CLEC4C: variants seen among roughly 807,000 people sequenced by gnomAD.
CLEC4C encodes the protein C-type lectin domain family 4 member C, also known as C-type (calcium dependent, carbohydrate-recognition domain) lectin, superfamily member 11.
In CLEC4C, 17 loss-of-function variants were observed where a neutral mutation model predicts 27.7. The ratio of observed to expected loss-of-function variants is 0.61; its 90% confidence interval spans 0.42 to 0.92. CLEC4C has a LOEUF of 0.92. Among genes scored for constraint, CLEC4C ranks in the 40% least tolerant of loss-of-function variants. CLEC4C has a pLI of 0.00. For missense variants in CLEC4C, 244 were observed against 257.3 expected (o/e 0.95, Z 0.35); for synonymous variants, 80 against 80.8 (o/e 0.99, Z 0.06).
chr12:7,737,278 A>G, intron 4 of CLEC4C, 151 bp downstream of exon 4: 1 of 631,876 alleles, frequency 1.6e-6, no homozygotes, highest in Non-Finnish European at 2.6e-6. Flanking sequence ...CAGATTAAGG[A>G]GATTTTCCTG....
Position 7,729,959 on chromosome 12 carries a change from C to G in CLEC4C, c.498-219G>C, listed in dbSNP as rs370237272. ...CCCCTGAAAACTGTTCCCATATGAC[C>G]TAGTACTCTGTCATCTTAATCAACT... On this transcript the variant is annotated intron_variant, in intron 5 of 5. Transcript: ENST00000360345. Among the ~76,000 whole-genome samples, 134 of 152,270 alleles carry G rather than the reference C, an allele frequency of 8.8e-4. 5 individuals are homozygous for G. The South Asian group carries it at 0.027, about 30-fold the overall frequency.
rs780595672 is a variant in CLEC4C, at chr12:7,730,809, T to A, written c.485A>T (p.Asn162Ile). ...ATTCTATACTCACGTGACATTTTCA[T>A]TGTATGGTGTCTGGTCAACCCATTG... The part of the protein sequence containing the change: ...HWQWVDQTPY[N>I]ENVTFWHSGE... Residue 162 changes from asparagine to isoleucine, a missense_variant, in exon 5 of 6, where the codon AAT becomes ATT. Coordinates refer to ENST00000360345, the MANE Select transcript of CLEC4C (RefSeq NM_001371390.1). 1 of 1,583,092 alleles carries A rather than the reference T, an allele frequency of 6.3e-7. No individual in the cohort carries two copies. Among genetic ancestry groups the A allele is most frequent in the South Asian group, 1.1e-5 (1 of 90,466 alleles).
At chr12:7,736,238 G>C (rs372106429) in intron 4 of CLEC4C, among the ~76,000 whole-genome samples, 1 of 152,140 alleles carries the variant, frequency 6.6e-6, no homozygotes, top group East Asian at 1.9e-4. Flanking sequence ...AGCCAAGACC[G>C]TGCCATTGCA....
chr12:7,729,406 GAATGAATAAATGAATA>G lies in CLEC4C; in HGVS notation c.*174_*189del, dbSNP rs3834934. 183 of 536,426 alleles carry G rather than the reference GAATGAATAAATGAATA, an allele frequency of 3.4e-4. No individual in the cohort carries two copies. Among genetic ancestry groups the G allele is most frequent in the African/African-American group, 2.8e-3 (144 of 51,200 alleles). The allele number at this position is 536,426 out of a possible 1,614,324, so 33.2% of individuals were successfully genotyped here. ...AATGTTCACTAAACACTCATTTTATGAATGAATAAATGAATAAATGAATAAATGAATGTGTGAATGG... is the reference window on the plus strand; with the variant it reads ...AATGTTCACTAAACACTCATTTTATGAATGAATAAATGAATGTGTGAATGG... On this transcript the variant is annotated 3_prime_UTR_variant, in exon 6 of 6. Coordinates refer to ENST00000360345, the MANE Select transcript of CLEC4C (RefSeq NM_001371390.1).
intron 3 of CLEC4C, among the ~76,000 whole-genome samples, chr12:7,741,017 T>C (rs1463280560): frequency 6.6e-6 from 1 of 152,028 alleles, no homozygotes; most frequent in Non-Finnish European, 1.5e-5. Flanking sequence ...ATTTTTTGTA[T>C]TTTTAGTAGG....
chr12:7,734,625 T>G (rs1025874164), intron 4 of CLEC4C, among the ~76,000 whole-genome samples: 1 of 151,374 alleles, frequency 6.6e-6, no homozygotes, highest in East Asian at 2.0e-4. Flanking sequence ...CTTGGCTCAC[T>G]GCAACCTCTG....
intron 3 of CLEC4C, among the ~76,000 whole-genome samples, chr12:7,741,038 C>T (rs1864842116): frequency 6.6e-6 from 1 of 152,128 alleles, no homozygotes; most frequent in Admixed American, 6.6e-5. Context: ...GACAGGGTTT[C>T]ACCGTGGTCT....
intron 5 of CLEC4C, 67 bp downstream of exon 5, chr12:7,730,730 G>T: frequency 1.3e-6 from 1 of 757,880 alleles, no homozygotes; most frequent in Non-Finnish European, 2.3e-6. Context: ...TTGCTTAATA[G>T]CTGATGGAAC....
At chr12:7,733,836 A>G (rs1864658090) in intron 4 of CLEC4C, among the ~76,000 whole-genome samples, 1 of 151,646 alleles carries the variant, frequency 6.6e-6, no homozygotes, top group African/African-American at 2.4e-5. Context: ...TCGCCTCCCA[A>G]CATGCTGAGA....
rs115411195 is a variant in CLEC4C at position 7,740,329 on chromosome 12, G to C, written c.235+1092C>G. ...GTATATTTATTTTTCAGTTAATCCA[G>C]AACTGTATAGGGAGAGGGATATATT... is the stretch of plus-strand genomic sequence containing the variant. On this transcript the variant is annotated intron_variant, in intron 3 of 5. Transcript: ENST00000360345. Among the ~76,000 whole-genome samples the C allele has an allele frequency of 6.9e-3, 1,047 of 152,124 alleles. 13 individuals are homozygous for C. Among genetic ancestry groups the C allele is most frequent in the African/African-American group, 0.024 (976 of 41,508 alleles).
intron 2 of CLEC4C, among the ~76,000 whole-genome samples, chr12:7,744,617 T>C (rs1458533788): frequency 1.3e-5 from 2 of 152,122 alleles, no homozygotes; most frequent in Non-Finnish European, 2.9e-5. Context: ...TAAACATTTA[T>C]TTTTATTTTT....
chr12:7,730,663 AC>A, intron 5 of CLEC4C, 133 bp downstream of exon 5: 1 of 493,098 alleles, frequency 2.0e-6, no homozygotes, highest in Non-Finnish European at 3.7e-6. Flanking sequence ...AAAAAGCACA[AC>A]CCTTGATGTC....
chr12:7,744,263 CT>C (rs1217538456), intron 2 of CLEC4C, among the ~76,000 whole-genome samples: 3 of 152,188 alleles, frequency 2.0e-5, no homozygotes, highest in Admixed American at 2.0e-4. Flanking sequence ...GTCTCTTGCC[CT>C]TTGTTATAAA....
Position 7,737,458 on chromosome 12 carries a change from G to C in CLEC4C, c.352C>G (p.Leu118Val). The C allele has an allele frequency of 2.5e-6, 4 of 1,613,726 alleles. No individual in the cohort carries two copies. Among genetic ancestry groups the C allele is most frequent in the Non-Finnish European group, 3.4e-6 (4 of 1,179,920 alleles). ...QKNCSVMGAD[L>V]VVINTREEQD... Reference sequence around the variant, plus strand: ...TCTTCCCTGGTGTTGATCACCACCAGATCAGCCCCCATCACAGAACAGTTC... The same window carrying C: ...TCTTCCCTGGTGTTGATCACCACCACATCAGCCCCCATCACAGAACAGTTC... The change falls in exon 4 of 6, where the codon CTG becomes GTG. Residue 118 changes from leucine (L) to valine (V), a missense_variant. Leu to Val is a conservative substitution (Grantham distance 32, BLOSUM62 1). Transcript: ENST00000360345.
At chr12:7,730,955 G>A in intron 4 of CLEC4C, 43 bp from the exon 5 acceptor site, 2 of 1,006,104 alleles carry the variant, frequency 2.0e-6, no homozygotes, top group Non-Finnish European at 3.2e-6. Flanking sequence ...TAGAGCAGGA[G>A]CACCCTCATC....
At chr12:7,747,428 T>G (rs1865008627), upstream of CLEC4C, 20 of 1,440,822 alleles carry the variant, frequency 1.4e-5, no homozygotes, top group Non-Finnish European at 2.0e-5. Flanking sequence ...AAGATGTTAC[T>G]TTCGGGGTGT....
At chr12:7,748,355 G>A (rs1261413653), upstream of CLEC4C, among the ~76,000 whole-genome samples, 4 of 152,032 alleles carry the variant, frequency 2.6e-5, no homozygotes, top group South Asian at 2.1e-4. Context: ...GTGAAACCCC[G>A]TTTCTACTAA....
chr12:7,730,497 G>C (rs1467814830), intron 5 of CLEC4C, among the ~76,000 whole-genome samples: 1 of 152,078 alleles, frequency 6.6e-6, no homozygotes, highest in Admixed American at 6.6e-5. Flanking sequence ...AAAATTAGCT[G>C]CGTGTGGTGG....
upstream of CLEC4C, among the ~76,000 whole-genome samples, chr12:7,748,516 A>C: frequency 6.7e-6 from 1 of 149,254 alleles, no homozygotes; most frequent in African/African-American, 2.5e-5. Context: ...ACAGAGCAAG[A>C]CTCAGTCTCA....
Sources: allele counts gnomAD v4.1 joint callset (sites outside exome capture counted in the v4.1 genomes callset), GRCh38; gene constraint gnomAD v4.1.1; transcripts MANE v1.5; gene names NCBI Gene and HGNC (gene_info 2026-07-23, HGNC 2026-07-21).